MAGI2: variants seen among roughly 807,000 people sequenced by gnomAD.
MAGI2 encodes membrane-associated guanylate kinase, WW and PDZ domain-containing protein 2.
Under a neutral mutation model 133.3 loss-of-function variants are expected in MAGI2, and 35 were observed. The ratio of observed to expected loss-of-function variants is 0.26; its 90% CI spans 0.20 to 0.35. The LOEUF (loss-of-function observed/expected upper bound fraction) is 0.35, where lower values mean the gene tolerates loss of function less well. MAGI2 is among the 10% of genes least tolerant of loss of function. The probability of loss-of-function intolerance (pLI) is 1.00; values close to 1 mark genes in which losing one functional copy is unlikely to be tolerated. For missense variants in MAGI2, 1,636 were observed against 1,863.4 expected (o/e 0.88, Z 2.25); for synonymous variants, 729 against 710.6 (o/e 1.03, Z -0.41).
At chr7:79,427,701 T>C (rs1331638028) in intron 1 of MAGI2, among the ~76,000 whole-genome samples, 1 of 152,144 alleles carries the variant, frequency 6.6e-6, no homozygotes, top group African/African-American at 2.4e-5. Flanking sequence ...GCGGTTTTAT[T>C]ATAGCAAATT....
At chr7:79,440,620 A>G (rs1176658240) in intron 1 of MAGI2, among the ~76,000 whole-genome samples, 2 of 152,106 alleles carry the variant, frequency 1.3e-5, no homozygotes, top group African/African-American at 4.8e-5. Flanking sequence ...GTCTTTACCA[A>G]TATCTCCAAA....
intron 14 of MAGI2, 149 bp from the exon 15 acceptor site, chr7:78,168,257 G>A: frequency 3.2e-6 from 2 of 633,778 alleles, no homozygotes; most frequent in African/African-American, 1.8e-5. Context: ...CCAGGTTCAC[G>A]CCATCTTTTT....
At chr7:79,195,669 C>T (rs979984716) in intron 1 of MAGI2, among the ~76,000 whole-genome samples, 3 of 151,916 alleles carry the variant, frequency 2.0e-5, no homozygotes, top group Non-Finnish European at 2.9e-5. Flanking sequence ...CTTAAGACCA[C>T]GGCACTGAGC....
intron 2 of MAGI2, among the ~76,000 whole-genome samples, chr7:78,709,826 T>G (rs777486592): frequency 6.6e-5 from 10 of 152,178 alleles, no homozygotes; most frequent in Non-Finnish European, 5.9e-5. Flanking sequence ...ATTGACTTTT[T>G]GCCTGGTCTA....
intron 1 of MAGI2, among the ~76,000 whole-genome samples, chr7:79,284,953 T>A (rs1052291270): frequency 6.6e-6 from 1 of 151,988 alleles, no homozygotes; most frequent in Non-Finnish European, 1.5e-5. Context: ...TAAGTTTATA[T>A]TCATATCACA....
chr7:79,244,044 T>A (rs1832630974), intron 1 of MAGI2, among the ~76,000 whole-genome samples: 1 of 152,236 alleles, frequency 6.6e-6, no homozygotes, highest in Admixed American at 6.5e-5. Context: ...ATTACATCTA[T>A]TTGATGTTTC....
chr7:79,382,229 A>G (rs907280132), intron 1 of MAGI2, among the ~76,000 whole-genome samples: 2 of 151,630 alleles, frequency 1.3e-5, no homozygotes, highest in African/African-American at 4.8e-5. Context: ...TTTCACTGGG[A>G]AAAAAAGAGA....
At chr7:78,184,265 A>T (rs995540980) in intron 13 of MAGI2, among the ~76,000 whole-genome samples, 4 of 152,024 alleles carry the variant, frequency 2.6e-5, no homozygotes, top group African/African-American at 9.7e-5. Context: ...ATAATGTTTT[A>T]AAAAAATTGC....
intron 2 of MAGI2, among the ~76,000 whole-genome samples, chr7:78,950,666 A>C (rs1342622555): frequency 6.6e-6 from 1 of 152,174 alleles, no homozygotes; most frequent in African/African-American, 2.4e-5. Flanking sequence ...TAATGATAAT[A>C]CTAAAACACA....
chr7:78,059,550 C>T (rs1223885633), intron 21 of MAGI2, among the ~76,000 whole-genome samples: 2 of 152,260 alleles, frequency 1.3e-5, no homozygotes, highest in Non-Finnish European at 2.9e-5. Context: ...TTGTAGAGCC[C>T]TTTGCTCTCC....
chr7:79,330,150 T>C (rs1839958961), intron 1 of MAGI2, among the ~76,000 whole-genome samples: 1 of 140,788 alleles, frequency 7.1e-6, no homozygotes, highest in African/African-American at 2.6e-5. Context: ...CTTGCCTCAC[T>C]ATAGCACATC....
At chr7:79,006,276 G>A (rs572237890) in intron 2 of MAGI2, among the ~76,000 whole-genome samples, 19 of 152,038 alleles carry the variant, frequency 1.2e-4, no homozygotes, top group Non-Finnish European at 2.2e-4. Flanking sequence ...TATTTAGAAC[G>A]GAACTAAAAG....
chr7:78,864,001 G>C (rs1289868755), intron 2 of MAGI2, among the ~76,000 whole-genome samples: 1 of 152,110 alleles, frequency 6.6e-6, no homozygotes, highest in Non-Finnish European at 1.5e-5. Context: ...TCATTTGATG[G>C]GAAAAAGCTG....
Position 78,209,348 on chromosome 7 carries a change from G to A in MAGI2, c.2048-8155C>T, listed in dbSNP as rs551488507. Among the ~76,000 whole-genome samples the A allele has an allele frequency of 7.3e-5, 10 of 137,556 alleles. No homozygotes were observed. The East Asian group carries it at 2.0e-3, about 28-fold the overall frequency. The allele number at this position is 137,556 out of a possible 152,430, so 90.2% of individuals were successfully genotyped here. A position where few individuals can be genotyped will look rare whatever the true frequency, so the allele number is the denominator to read the frequency against. ...GCGATCTCGGCTCACTGCAAGCTCC[G>A]CCTTACGGGTTCAGGCCATTCTCCT... On this transcript the variant is annotated intron_variant, in intron 10 of 21. Transcript: ENST00000354212.
intron 1 of MAGI2, among the ~76,000 whole-genome samples, chr7:79,363,308 C>G (rs898568160): frequency 4.7e-5 from 7 of 147,740 alleles, no homozygotes; most frequent in Admixed American, 1.3e-4. Flanking sequence ...TTCCAATACA[C>G]GAACAGAGTA....
intron 3 of MAGI2, chr7:78,617,460 A>G (rs1185312276): frequency 6.6e-6 from 1 of 152,108 alleles, no homozygotes; most frequent in East Asian, 1.9e-4. Context: ...GATACAACCT[A>G]TAACGGATCT....
intron 2 of MAGI2, among the ~76,000 whole-genome samples, chr7:78,865,067 G>A (rs1170565039): frequency 1.3e-5 from 2 of 152,108 alleles, no homozygotes; most frequent in African/African-American, 4.8e-5. Flanking sequence ...AGAGTCAGAT[G>A]TTTCTATTAC....
intron 1 of MAGI2, among the ~76,000 whole-genome samples, chr7:79,332,629 T>A (rs1019611930): frequency 2.0e-5 from 3 of 152,202 alleles, no homozygotes; most frequent in African/African-American, 7.2e-5. Flanking sequence ...AAACAAGTCA[T>A]ATTGGGTAGA....
intron 2 of MAGI2, among the ~76,000 whole-genome samples, chr7:78,954,347 C>T (rs565621755): frequency 1.1e-3 from 161 of 151,452 alleles, no homozygotes; most frequent in African/African-American, 3.8e-3. Context: ...TTTTTTTCCT[C>T]TGAAGATAAG....
Sources: gnomAD v4.1 joint callset for allele counts (sites outside exome capture counted in the v4.1 genomes callset) on GRCh38, gnomAD v4.1.1 for gene constraint, MANE v1.5 for transcripts, NCBI Gene and HGNC (gene_info 2026-07-23, HGNC 2026-07-21) for gene names.